FAAP20: variants seen among roughly 807,000 people sequenced by gnomAD.
FAAP20 encodes Fanconi anemia core complex-associated protein 20.
FAAP20 carries 12 observed loss-of-function variants against 16.2 expected under a neutral mutation model. The ratio of observed to expected loss-of-function variants is 0.74; its 90% CI spans 0.48 to 1.20. The LOEUF is 1.20. Among genes scored for constraint, FAAP20 ranks in the 50% most tolerant of loss-of-function variants. FAAP20 has a pLI of 0.00. For missense variants in FAAP20, 288 were observed against 245.8 expected, an observed-to-expected ratio of 1.17 and a Z score of -1.15; for synonymous variants, 141 against 110.7, an observed-to-expected ratio of 1.27 and a Z score of -1.72.
downstream of FAAP20, chr1:2,186,969 G>A (rs1687671538): frequency 3.5e-6 from 1 of 284,110 alleles, no homozygotes; most frequent in African/African-American, 2.3e-5. Flanking sequence ...AAATTAAAGT[G>A]AAGGATGTAT....
At chr1:2,208,690 G>A (rs147509444), downstream of FAAP20, among the ~76,000 whole-genome samples, 268 of 152,328 alleles carry the variant, frequency 1.8e-3, 1 homozygote, top group African/African-American at 6.0e-3. Flanking sequence ...CGGCCAGAGC[G>A]GGTAAGCCTG....
chr1:2,209,446 G>A (rs1031666060), downstream of FAAP20, among the ~76,000 whole-genome samples: 17 of 152,224 alleles, frequency 1.1e-4, no homozygotes, highest in African/African-American at 3.4e-4. Context: ...GGAACTCTCC[G>A]CTGTGTCCGT....
chr1:2,204,009 G>C (rs1054205116), upstream of FAAP20: 10 of 152,268 alleles, frequency 6.6e-5, no homozygotes, highest in African/African-American at 2.2e-4. Context: ...CTGGCTCTCC[G>C]AGCACCCTGG....
upstream of FAAP20, among the ~76,000 whole-genome samples, chr1:2,202,223 C>G (rs1689078492): frequency 6.6e-6 from 1 of 152,318 alleles, no homozygotes; most frequent in African/African-American, 2.4e-5. Flanking sequence ...CAGGGCTGCT[C>G]TCCCCTACCA....
At chr1:2,205,023 C>A (rs1249399041) in intron 3 of FAAP20, among the ~76,000 whole-genome samples, 2 of 104,464 alleles carry the variant, frequency 1.9e-5, no homozygotes, top group Non-Finnish European at 4.1e-5. Flanking sequence ...GCTCCCCACG[C>A]CCCGCCCCTC....
chr1:2,208,688 G>A (rs1368501702), downstream of FAAP20, among the ~76,000 whole-genome samples: 1 of 152,210 alleles, frequency 6.6e-6, no homozygotes, highest in Non-Finnish European at 1.5e-5. Context: ...CTCGGCCAGA[G>A]CGGGTAAGCC....
At chr1:2,210,605 C>T (rs1041333992), downstream of FAAP20, among the ~76,000 whole-genome samples, 6 of 152,226 alleles carry the variant, frequency 3.9e-5, no homozygotes, top group African/African-American at 1.4e-4. Flanking sequence ...CTCCTCCTGC[C>T]CTCCGGGGGC....
downstream of FAAP20, among the ~76,000 whole-genome samples, chr1:2,189,011 GA>G (rs71578368): frequency 5.9e-4 from 63 of 105,916 alleles, no homozygotes; most frequent in African/African-American, 7.5e-4. Flanking sequence ...TCTCAAAAAA[GA>G]AAAAAAAAAA....
At chr1:2,193,486 G>C in intron 3 of FAAP20, 153 bp downstream of exon 3, 1 of 1,233,988 alleles carries the variant, frequency 8.1e-7, no homozygotes, top group Non-Finnish European at 1.1e-6. Context: ...GAGCCACCTG[G>C]ACATGCCAGG....
chr1:2,187,021 C>T (rs937312791), downstream of FAAP20: 8 of 313,938 alleles, frequency 2.5e-5, no homozygotes, highest in Non-Finnish European at 4.1e-5. Flanking sequence ...CTAATGGCTC[C>T]GGTCACGACG....
At chr1:2,208,354 C>G (rs1689342498), downstream of FAAP20, among the ~76,000 whole-genome samples, 2 of 152,316 alleles carry the variant, frequency 1.3e-5, no homozygotes, top group East Asian at 3.9e-4. Flanking sequence ...CCCTGTCTCC[C>G]TCCCTTCCTC....
chr1:2,209,854 C>T (rs1689388771), downstream of FAAP20, among the ~76,000 whole-genome samples: 1 of 152,238 alleles, frequency 6.6e-6, no homozygotes, highest in Admixed American at 6.5e-5. Context: ...GCCTTCTGTC[C>T]AGACAGAGCT....
At chr1:2,197,136 A>G (rs1688859570), upstream of FAAP20, among the ~76,000 whole-genome samples, 1 of 152,156 alleles carries the variant, frequency 6.6e-6, no homozygotes, top group Admixed American at 6.5e-5. Flanking sequence ...AGAGCCTGGG[A>G]AACTCAGGCC....
chr1:2,208,701 T>C (rs894043097), downstream of FAAP20, among the ~76,000 whole-genome samples: 1 of 152,134 alleles, frequency 6.6e-6, no homozygotes, highest in African/African-American at 2.4e-5. Context: ...GGTAAGCCTG[T>C]GGGCAGCAGC....
chr1:2,198,477 G>A, upstream of FAAP20: 2 of 420,882 alleles, frequency 4.8e-6, no homozygotes, highest in Non-Finnish European at 8.1e-6. Flanking sequence ...TTCCACCGCG[G>A]AAGAACAAGT....
downstream of FAAP20, chr1:2,184,509 G>C: frequency 9.5e-7 from 1 of 1,055,796 alleles, no homozygotes; most frequent in Non-Finnish European, 1.4e-6. Context: ...TGTGATTGAA[G>C]TGCGTGCAAA....
chr1:2,193,451 A>G (rs113957254), intron 3 of FAAP20, 188 bp downstream of exon 3: 22 of 875,024 alleles, frequency 2.5e-5, no homozygotes, highest in African/African-American at 1.9e-4. Context: ...CACGGCAAGC[A>G]GGTGGACCCC....
Position 2,189,782 on chromosome 1 carries a change from C to T in FAAP20, c.471-1G>A. On this transcript the variant is annotated splice_acceptor_variant, in intron 3 of 3. Coordinates refer to ENST00000378546, the MANE Select transcript of FAAP20 (RefSeq NM_182533.4). LOFTEE classifies it high-confidence loss of function. ...GCTGTCAACATCCAGCTGGGTCAGC[C>T]TGCAAGGGAGGGGCCACACTCACTC... 6.2e-7 allele frequency: 1 copy of T among 1,611,558 alleles called. No individual in the cohort carries two copies. The highest frequency in any genetic ancestry group is 8.5e-7 in the Non-Finnish European group (1 of 1,178,584).
At chr1:2,199,404 C>T (rs1688958623), upstream of FAAP20, 6 of 1,024,624 alleles carry the variant, frequency 5.9e-6, no homozygotes, top group Non-Finnish European at 7.0e-6. This position sits in a 1 kb window ranked among gnomAD's most constrained non-coding sequence, Gnocchi z 4.5. Flanking sequence ...CAGCCCAGCC[C>T]AGCCCAGCCC....
Sources: allele counts gnomAD v4.1 joint callset (sites outside exome capture counted in the v4.1 genomes callset), GRCh38; gene constraint gnomAD v4.1.1; non-coding constraint Gnocchi (gnomAD v3.1); transcripts MANE v1.5; gene names NCBI Gene and HGNC (gene_info 2026-07-23, HGNC 2026-07-21).